ARHGAP15: variants seen among roughly 807,000 people sequenced by gnomAD.
ARHGAP15 encodes Rho GTPase activating protein 15, also known as rho GTPase-activating protein 15.
ARHGAP15 carries 51 observed loss-of-function variants against 63.7 expected under a neutral mutation model. The ratio of observed to expected loss-of-function variants is 0.80; its 90% CI spans 0.64 to 1.01. The LOEUF is 1.01. Among genes scored for constraint, ARHGAP15 ranks in the 50% least tolerant of loss-of-function variants. The pLI, the probability that ARHGAP15 is intolerant of heterozygous loss-of-function variation, is 0.00. For missense variants in ARHGAP15, 560 were observed against 564.6 expected (o/e 0.99, Z 0.08); for synonymous variants, 191 against 193.8 (o/e 0.99, Z 0.12).
chr2:143,164,237 C>T (rs183497083), intron 2 of ARHGAP15, among the ~76,000 whole-genome samples: 41 of 152,088 alleles, frequency 2.7e-4, no homozygotes, highest in African/African-American at 9.6e-4. Flanking sequence ...CCCCATGTTC[C>T]TAAAGAGATG....
intron 2 of ARHGAP15, among the ~76,000 whole-genome samples, chr2:143,200,054 T>G (rs1056405361): frequency 1.3e-5 from 2 of 152,076 alleles, no homozygotes; most frequent in African/African-American, 4.8e-5. Context: ...AAAGGAAAAA[T>G]AGGTAAACAG....
intron 6 of ARHGAP15, among the ~76,000 whole-genome samples, chr2:143,332,243 CTAA>C (rs2105261598): frequency 6.6e-6 from 1 of 151,984 alleles, no homozygotes; most frequent in South Asian, 2.1e-4. Flanking sequence ...GGAAAGGGAA[CTAA>C]TAATAAAATA....
intron 11 of ARHGAP15, among the ~76,000 whole-genome samples, chr2:143,577,277 CTG>C (rs1696714760): frequency 6.6e-6 from 1 of 152,120 alleles, no homozygotes; most frequent in Admixed American, 6.6e-5. Context: ...TCACTGGGGA[CTG>C]TAAAGAAATG....
At chr2:143,762,439 T>A (rs1172615276) in intron 13 of ARHGAP15, among the ~76,000 whole-genome samples, 2 of 152,182 alleles carry the variant, frequency 1.3e-5, no homozygotes, top group Non-Finnish European at 2.9e-5. Context: ...AAGGGCCTAA[T>A]GAAACCTAAG....
chr2:143,188,944 T>C (rs1044260400), intron 2 of ARHGAP15, among the ~76,000 whole-genome samples: 11 of 146,356 alleles, frequency 7.5e-5, no homozygotes, highest in African/African-American at 2.8e-4. Flanking sequence ...TTTCTAACGA[T>C]TTTTTTTTTT....
At chr2:143,557,617 A>T (rs1173776155) in intron 11 of ARHGAP15, among the ~76,000 whole-genome samples, 1 of 152,112 alleles carries the variant, frequency 6.6e-6, no homozygotes, top group East Asian at 1.9e-4. Context: ...CATGTAAATT[A>T]TAATATTTAG....
chr2:143,517,440 T>C (rs1007922200), intron 9 of ARHGAP15, among the ~76,000 whole-genome samples: 1 of 152,238 alleles, frequency 6.6e-6, no homozygotes, highest in Admixed American at 6.5e-5. Context: ...ATTATTATTC[T>C]ATCTAATTTT....
At chr2:143,342,362 A>T (rs1320476838) in intron 6 of ARHGAP15, among the ~76,000 whole-genome samples, 1 of 152,086 alleles carries the variant, frequency 6.6e-6, no homozygotes, top group Non-Finnish European at 1.5e-5. Flanking sequence ...ATAATATTTC[A>T]TAAGAAAAAG....
intron 6 of ARHGAP15, among the ~76,000 whole-genome samples, chr2:143,430,827 T>A (rs1474021492): frequency 6.6e-6 from 1 of 152,062 alleles, no homozygotes; most frequent in Non-Finnish European, 1.5e-5. Flanking sequence ...CTAGAACCAC[T>A]GTAGCCATAT....
chr2:143,255,881 T>C (rs1256449554), intron 6 of ARHGAP15, among the ~76,000 whole-genome samples: 1 of 152,156 alleles, frequency 6.6e-6, no homozygotes, highest in Non-Finnish European at 1.5e-5. Flanking sequence ...AAGAGAAACA[T>C]TCACGTCTAA....
intron 6 of ARHGAP15, among the ~76,000 whole-genome samples, chr2:143,384,723 T>C (rs1418650977): frequency 6.6e-6 from 1 of 152,180 alleles, no homozygotes; most frequent in Non-Finnish European, 1.5e-5. Flanking sequence ...TGTTGTGCTA[T>C]CATCTGGATG....
chr2:143,382,286 A>T (rs1324628000), intron 6 of ARHGAP15, among the ~76,000 whole-genome samples: 1 of 152,170 alleles, frequency 6.6e-6, no homozygotes, highest in African/African-American at 2.4e-5. Flanking sequence ...GAGGCTAGAC[A>T]TCTGAAATCA....
At chr2:143,552,567 GT>G (rs142508792) in intron 10 of ARHGAP15, among the ~76,000 whole-genome samples, 41,544 of 150,852 alleles carry the variant, frequency 0.28, 6,085 homozygotes, top group African/African-American at 0.38. Flanking sequence ...AAAAGTCGGG[GT>G]GGGGAGGCAG....
intron 6 of ARHGAP15, among the ~76,000 whole-genome samples, chr2:143,328,894 C>T (rs979530432): frequency 1.3e-5 from 2 of 152,164 alleles, no homozygotes; most frequent in Non-Finnish European, 2.9e-5. Flanking sequence ...ACTGTGTTTA[C>T]CCTGATGTGA....
chr2:143,733,988 CTAAATT>C (rs1685649323), intron 13 of ARHGAP15, among the ~76,000 whole-genome samples: 1 of 152,132 alleles, frequency 6.6e-6, no homozygotes, highest in African/African-American at 2.4e-5. Flanking sequence ...TCTCTTTTAT[CTAAATT>C]TGTTTTATAA....
intron 12 of ARHGAP15, chr2:143,656,026 G>A (rs1249874994): frequency 6.6e-6 from 1 of 152,174 alleles, no homozygotes; most frequent in Non-Finnish European, 1.5e-5. Flanking sequence ...AACTGATTAA[G>A]TGCTGCTTGA....
At position 143,250,593 on chromosome 2, in the gene ARHGAP15, T is replaced by A; in HGVS notation, c.467T>A (p.Val156Asp). The A allele has an allele frequency of 6.2e-7, 1 of 1,611,992 alleles. No individual in the cohort carries two copies. The highest frequency in any genetic ancestry group is 8.5e-7 in the Non-Finnish European group (1 of 1,178,316). ...AAGGAAAAATCGAGCAGAAAGAATG[T>A]CTTTCAGGTAAGAATGTTACATATA... is the stretch of plus-strand genomic sequence containing the variant. Reference protein sequence around the residue: ...WAKEKSSRKNVFQITTVSGNE... With the variant: ...WAKEKSSRKNDFQITTVSGNE... The change falls in exon 6 of 14, where the codon GTC becomes GAC. Residue 156 changes from valine to aspartate, a missense_variant. By Grantham distance (152) the Val-to-Asp change is radical. Transcript: ENST00000295095.
chr2:143,162,258 C>T (rs114352177), intron 2 of ARHGAP15: 1 of 151,870 alleles, frequency 6.6e-6, no homozygotes, highest in East Asian at 1.9e-4. Flanking sequence ...TACAGCTGAC[C>T]CCGAATCACG....
At chr2:143,201,280 G>A (rs986978332) in intron 2 of ARHGAP15, among the ~76,000 whole-genome samples, 4 of 150,816 alleles carry the variant, frequency 2.7e-5, no homozygotes, top group Admixed American at 2.0e-4. Context: ...ACCATGCCTA[G>A]CTAATTAAAA....
Sources: allele counts gnomAD v4.1 joint callset (sites outside exome capture counted in the v4.1 genomes callset), GRCh38; gene constraint gnomAD v4.1.1; transcripts MANE v1.5; gene names NCBI Gene and HGNC (gene_info 2026-07-23, HGNC 2026-07-21).